ARFGEF1: variants seen among roughly 807,000 people sequenced by gnomAD.
ARFGEF1 encodes ARF guanine nucleotide exchange factor 1.
In ARFGEF1, 42 loss-of-function variants were observed where a neutral mutation model predicts 231.0. The ratio of observed to expected loss-of-function variants is 0.18; its 90% CI spans 0.14 to 0.24. ARFGEF1 has a LOEUF of 0.24. Ranked by LOEUF, ARFGEF1 falls within the 10% of genes least tolerant of loss-of-function variation. The pLI is 1.00. For synonymous variants in ARFGEF1, 710 were observed against 732.3 expected, an observed-to-expected ratio of 0.97 and a Z score of 0.49; for missense variants, 1,345 against 2,192.0, an observed-to-expected ratio of 0.61 and a Z score of 7.72.
At chr8:67,183,587 A>G (rs889737411) in intron 5 of ARFGEF1, among the ~76,000 whole-genome samples, 3 of 152,244 alleles carry the variant, frequency 2.0e-5, no homozygotes, top group Non-Finnish European at 4.4e-5. Flanking sequence ...TACATTTTAA[A>G]ATACTTTGAT....
intron 1 of ARFGEF1, among the ~76,000 whole-genome samples, chr8:67,335,856 C>T (rs1011216270): frequency 2.0e-5 from 3 of 152,020 alleles, no homozygotes; most frequent in African/African-American, 7.3e-5. Flanking sequence ...AAGCGATTCT[C>T]CTGCCTCAGC....
At chr8:67,320,345 C>T (rs1235059982) in intron 1 of ARFGEF1, among the ~76,000 whole-genome samples, 1 of 148,568 alleles carries the variant, frequency 6.7e-6, no homozygotes, top group Non-Finnish European at 1.5e-5. Flanking sequence ...TTTAAAAATA[C>T]TGACACTCCC....
chr8:67,239,436 T>C (rs542393502), intron 20 of ARFGEF1, among the ~76,000 whole-genome samples: 1 of 152,310 alleles, frequency 6.6e-6, no homozygotes, highest in South Asian at 2.1e-4. Context: ...TCATTCATTT[T>C]AAGATGATGC....
chr8:67,249,420 C>T (rs1460347435), intron 19 of ARFGEF1, among the ~76,000 whole-genome samples: 2 of 150,044 alleles, frequency 1.3e-5, no homozygotes, highest in African/African-American at 5.0e-5. Flanking sequence ...TCCACTTAAA[C>T]AACGGGTTTA....
At chr8:67,192,907 T>C (rs575204008), downstream of ARFGEF1, among the ~76,000 whole-genome samples, 8 of 152,368 alleles carry the variant, frequency 5.3e-5, no homozygotes, top group African/African-American at 1.9e-4. Flanking sequence ...AAGCCCCTGC[T>C]GCTTCAGTTT....
At chr8:67,317,266 G>T (rs866260837) in intron 1 of ARFGEF1, among the ~76,000 whole-genome samples, 26 of 152,040 alleles carry the variant, frequency 1.7e-4, no homozygotes, top group African/African-American at 5.6e-4. Context: ...GTTGCTCTAC[G>T]TAACCGGAGG....
intron 23 of ARFGEF1, among the ~76,000 whole-genome samples, chr8:67,230,344 A>C (rs1023302995): frequency 1.3e-5 from 2 of 152,148 alleles, no homozygotes; most frequent in African/African-American, 4.8e-5. Context: ...CATTAGAAAA[A>C]AACATTGGTA....
chr8:67,179,407 C>G (rs1453108304), intron 5 of ARFGEF1, among the ~76,000 whole-genome samples: 2 of 152,126 alleles, frequency 1.3e-5, no homozygotes, highest in East Asian at 1.9e-4. Context: ...ATCTTTGTAT[C>G]CCCAGTTCCT....
intron 1 of ARFGEF1, among the ~76,000 whole-genome samples, chr8:67,308,889 A>G (rs947962930): frequency 5.9e-5 from 9 of 152,328 alleles, no homozygotes; most frequent in African/African-American, 2.2e-4. Flanking sequence ...AATCCAACTC[A>G]CATACTTTTT....
chr8:67,202,762 A>G (rs1316785218), intron 36 of ARFGEF1, among the ~76,000 whole-genome samples: 3 of 152,164 alleles, frequency 2.0e-5, no homozygotes, highest in Non-Finnish European at 4.4e-5. Context: ...ACTTTTACAC[A>G]TATTTATTTC....
At chr8:67,269,787 T>C (rs1327751992) in intron 10 of ARFGEF1, among the ~76,000 whole-genome samples, 2 of 152,184 alleles carry the variant, frequency 1.3e-5, no homozygotes, top group African/African-American at 4.8e-5. Flanking sequence ...TAGAATATTA[T>C]AATAATTTTG....
At chr8:67,280,871 C>CA (rs1805505664) in intron 7 of ARFGEF1, among the ~76,000 whole-genome samples, 1 of 152,052 alleles carries the variant, frequency 6.6e-6, no homozygotes, top group Non-Finnish European at 1.5e-5. Context: ...TACAAATAGG[C>CA]AAAAACATAA....
At chr8:67,188,286 T>A (rs1213322955) in intron 5 of ARFGEF1, among the ~76,000 whole-genome samples, 5 of 152,214 alleles carry the variant, frequency 3.3e-5, no homozygotes, top group African/African-American at 1.2e-4. Flanking sequence ...GAGACAGGAC[T>A]AGCTGGATTT....
At chr8:67,257,688 A>C in intron 17 of ARFGEF1, 44 bp downstream of exon 17, 1 of 1,407,790 alleles carries the variant, frequency 7.1e-7, no homozygotes, top group Non-Finnish European at 9.9e-7. Context: ...TAATGTACTT[A>C]TTTTGTACCG....
chr8:67,219,502 A>G lies in ARFGEF1; in HGVS notation c.4267T>C (p.Trp1423Arg). 6.2e-7 allele frequency: 1 copy of G among 1,612,240 alleles called. No individual in the cohort carries two copies. Among genetic ancestry groups the G allele is most frequent in the Non-Finnish European group, 8.5e-7 (1 of 1,179,052 alleles). Reference sequence around the variant, plus strand: ...ACAATTCTAAATAAATCCTGCCACCAGTGTTTCTCATAAGTGTGGCCATAT... The same window carrying G: ...ACAATTCTAAATAAATCCTGCCACCGGTGTTTCTCATAAGTGTGGCCATAT... ...KTYGHTYEKH[W>R]WQDLFRIVFR... The change falls in exon 30 of 39, where the codon TGG (tryptophan) becomes CGG (arginine). Residue 1423 changes from tryptophan to arginine, a missense_variant. Around this residue, in one of 14 missense-constraint regions of ARFGEF1, gnomAD observed 18 missense variants for 63.5 expected, o/e 0.28. Transcript: ENST00000262215.
intron 1 of ARFGEF1, among the ~76,000 whole-genome samples, chr8:67,326,388 C>T (rs982392396): frequency 1.3e-5 from 2 of 152,156 alleles, no homozygotes; most frequent in African/African-American, 2.4e-5. Context: ...CTGGTTAACA[C>T]CGGGCTTTCT....
intron 1 of ARFGEF1, among the ~76,000 whole-genome samples, chr8:67,341,686 C>G (rs1020192366): frequency 2.6e-5 from 4 of 152,158 alleles, no homozygotes; most frequent in Non-Finnish European, 5.9e-5. Flanking sequence ...TATAACAATT[C>G]TTTTAAAAAT....
intron 7 of ARFGEF1, among the ~76,000 whole-genome samples, chr8:67,286,637 A>G (rs546418060): frequency 5.3e-4 from 80 of 152,292 alleles, no homozygotes; most frequent in Non-Finnish European, 9.7e-4. Flanking sequence ...TAACTATACT[A>G]TTATATGTTT....
rs555512472 is a variant in ARFGEF1, at chr8:67,237,576, A to C, written c.3289+767T>G. On this transcript the variant is annotated intron_variant, in intron 22 of 38. Transcript: ENST00000262215. ...ATTGGTTGGAGGTGGGGGGTTGGGG[A>C]GGGATGGACAGAGAATATCTAGAAA... Among the ~76,000 whole-genome samples, 8 of 152,204 alleles carry C rather than the reference A, an allele frequency of 5.3e-5. No homozygotes were observed. The South Asian group carries it at 1.7e-3, about 32-fold the overall frequency.
Sources: allele counts gnomAD v4.1 joint callset (sites outside exome capture counted in the v4.1 genomes callset), GRCh38; gene constraint gnomAD v4.1.1; regional missense constraint gnomAD v4.1.1; transcripts MANE v1.5; gene names NCBI Gene and HGNC (gene_info 2026-07-23, HGNC 2026-07-21).